The following ABCA12 variants were observed in gnomAD, a reference collection of about 807,000 sequenced individuals.
ABCA12 encodes the protein ATP binding cassette subfamily A member 12.
Under a neutral mutation model 293.5 loss-of-function variants are expected in ABCA12, and 156 were observed. The observed-to-expected ratio is 0.53, with a 90% CI of 0.47 to 0.61. The LOEUF is 0.61. Among genes scored for constraint, ABCA12 ranks in the 20% least tolerant of loss-of-function variants. The probability of loss-of-function intolerance (pLI) is 0.00; values close to 1 mark genes in which losing one functional copy is unlikely to be tolerated. For missense variants in ABCA12, 2,797 were observed against 3,090.2 expected, an observed-to-expected ratio of 0.91 and a Z score of 2.25; for synonymous variants, 1,063 against 1,108.0, an observed-to-expected ratio of 0.96 and a Z score of 0.81.
intron 1 of ABCA12, among the ~76,000 whole-genome samples, chr2:215,137,185 T>C (rs1342537699): frequency 1.3e-5 from 2 of 152,120 alleles, no homozygotes; most frequent in Non-Finnish European, 2.9e-5. Flanking sequence ...TACTTCCTCC[T>C]CTTACTACAC....
intron 52 of ABCA12, among the ~76,000 whole-genome samples, 160 bp from the exon 53 acceptor site, chr2:214,932,901 C>G (rs1698105437): frequency 6.6e-6 from 1 of 152,120 alleles, no homozygotes; most frequent in African/African-American, 2.4e-5. Context: ...TTTATACATG[C>G]TTGCACTAGG....
chr2:215,115,976 G>C (rs1702677850), intron 1 of ABCA12, among the ~76,000 whole-genome samples: 1 of 152,138 alleles, frequency 6.6e-6, no homozygotes, highest in African/African-American at 2.4e-5. Context: ...CATAAGAGCA[G>C]GTTGATGATA....
rs374613210 is a variant in ABCA12 at position 215,125,389 on chromosome 2, A to G, written c.69+12751T>C. 6.6e-5 allele frequency among the ~76,000 whole-genome samples: 10 copies of G among 152,320 alleles called. No homozygotes were observed. In the East Asian group the frequency reaches 7.7e-4, roughly 12 times the overall value. ...ATTGAATTTGTAGATTGCTTTTGGC[A>G]GTATGGTCATTTTCATAATATTTAT... is the stretch of plus-strand genomic sequence containing the variant. On this transcript the variant is annotated intron_variant, in intron 1 of 52. Coordinates refer to ENST00000272895, the MANE Select transcript of ABCA12 (RefSeq NM_173076.3).
chr2:215,102,456 G>A (rs527854605), intron 2 of ABCA12, among the ~76,000 whole-genome samples: 1 of 152,048 alleles, frequency 6.6e-6, no homozygotes, highest in Admixed American at 6.6e-5. Flanking sequence ...AAAATTAGCT[G>A]GGCATGATGG....
intron 36 of ABCA12, among the ~76,000 whole-genome samples, chr2:214,971,335 C>T (rs1255482757): frequency 6.6e-6 from 1 of 152,132 alleles, no homozygotes; most frequent in African/African-American, 2.4e-5. Context: ...AGAGAATACT[C>T]TTATGTATTC....
Position 214,955,209 on chromosome 2 carries a change from T to G in ABCA12, c.6386A>C (p.Asn2129Thr). 6.2e-7 allele frequency: 1 copy of G among 1,614,078 alleles called. No individual in the cohort carries two copies. The highest frequency in any genetic ancestry group is 1.1e-5 in the South Asian group (1 of 91,088). The change falls in exon 43 of 53, where the codon AAT (asparagine) becomes ACT (threonine). Residue 2129 changes from asparagine to threonine, a missense_variant. Coordinates refer to ENST00000272895, the MANE Select transcript of ABCA12 (RefSeq NM_173076.3). The stretch of plus-strand genomic sequence containing the variant: ...TGAAATAAGGGACCTTACCGGATCA[T>G]TAGGCTTTTCCTTGGAAAGAAAGTA... ...VVYFLSKEKP[N>T]DPTLELISET...
intron 2 of ABCA12, among the ~76,000 whole-genome samples, chr2:215,069,487 C>G (rs1701696202): frequency 6.6e-6 from 1 of 151,538 alleles, no homozygotes; most frequent in Non-Finnish European, 1.5e-5. Flanking sequence ...TTTTTTAAAT[C>G]TTCTTGTAGT....
intron 23 of ABCA12, among the ~76,000 whole-genome samples, chr2:214,992,051 TA>T (rs1359178053): frequency 6.6e-6 from 1 of 152,044 alleles, no homozygotes; most frequent in East Asian, 1.9e-4. Context: ...CAAATAAAAA[TA>T]AAAAGATTTA....
intron 1 of ABCA12, among the ~76,000 whole-genome samples, chr2:215,129,083 C>T (rs1185412932): frequency 6.6e-6 from 1 of 152,138 alleles, no homozygotes. Flanking sequence ...GTCTAGCAAC[C>T]CAGCTATTCT....
rs780654517 is a variant in ABCA12 at position 214,958,466 on chromosome 2, A to G, written c.5940-12T>C. The G allele has an allele frequency of 6.2e-7, 1 of 1,613,604 alleles. No individual in the cohort carries two copies. Among genetic ancestry groups the G allele is most frequent in the East Asian group, 2.2e-5 (1 of 44,834 alleles). On this transcript the variant is annotated splice_polypyrimidine_tract_variant and intron_variant, in intron 40 of 52. Transcript: ENST00000272895. ...TTAAACTGCTGATTCTAGAGTGAGC[A>G]ATAGGGAGAGGAAAACACACATAAG...
chr2:215,019,632 T>G lies in ABCA12; in HGVS notation c.1452A>C (p.Ala484=), dbSNP rs746864909. Residue 484 remains alanine (A), a synonymous_variant, in exon 12 of 53, where the codon GCA becomes GCC. Coordinates refer to ENST00000272895, the MANE Select transcript of ABCA12 (RefSeq NM_173076.3). ...LEAAELGTEI[A]ASLLYHDNVI... ...CATTGTCATGGTACAGTAAGCTGGCTGCTATTTCGGTGCCCAGCTCTGCCG... is the reference window on the plus strand; with the variant it reads ...CATTGTCATGGTACAGTAAGCTGGCGGCTATTTCGGTGCCCAGCTCTGCCG... 6.2e-7 allele frequency: 1 copy of G among 1,614,192 alleles called. No individual in the cohort carries two copies. The highest frequency in any genetic ancestry group is 1.7e-5 in the Admixed American group (1 of 60,024).
At position 214,983,607 on chromosome 2, in the gene ABCA12, G is replaced by A. The variant is rs182693330; in HGVS notation, c.4382+40C>T. 94 of 1,565,974 alleles carry A rather than the reference G, an allele frequency of 6.0e-5. No homozygotes were observed. In the East Asian group the frequency reaches 2.0e-3, roughly 34 times the overall value. On this transcript the variant is annotated intron_variant, in intron 29 of 52. Transcript: ENST00000272895. ...CCAACCAAGCTATGGGTCTTTGAGA[G>A]GAGTTAGCAACTTAGGTTCTCATTC...
At chr2:215,136,380 G>A (rs1703226427) in intron 1 of ABCA12, among the ~76,000 whole-genome samples, 1 of 151,274 alleles carries the variant, frequency 6.6e-6, no homozygotes, top group African/African-American at 2.4e-5. Context: ...TTCAAAATGA[G>A]GAAAAAAATT....
At chr2:215,027,864 A>G (rs1376889786) in intron 9 of ABCA12, among the ~76,000 whole-genome samples, 1 of 152,148 alleles carries the variant, frequency 6.6e-6, no homozygotes. Context: ...TAATCAACCA[A>G]TTTAGTGTTT....
chr2:214,978,910 C>G lies in ABCA12; in HGVS notation c.4871G>C (p.Ser1624Thr), dbSNP rs566356723. 1 of 1,614,024 alleles carries G rather than the reference C, an allele frequency of 6.2e-7. No homozygotes were observed. The highest frequency in any genetic ancestry group is 1.3e-5 in the African/African-American group (1 of 75,012). ...CAGGTAGGCCCCTGAGACTTTGGTGCTGAATGGAGGAAGTACATAAACAAG... is the reference window on the plus strand; with the variant it reads ...CAGGTAGGCCCCTGAGACTTTGGTGGTGAATGGAGGAAGTACATAAACAAG... The part of the protein sequence containing the change: ...GELVYVLPPF[S>T]TKVSGAYLSL... Residue 1624 changes from serine to threonine, a missense_variant, in exon 32 of 53, where the codon AGC becomes ACC. Transcript: ENST00000272895.
At chr2:215,022,181 G>C (rs1486760989) in intron 11 of ABCA12, 1 of 152,172 alleles carries the variant, frequency 6.6e-6, no homozygotes, top group African/African-American at 2.4e-5. Context: ...ACATTTGAAT[G>C]ACTTTTACCC....
chr2:215,125,268 C>G (rs1244147562), intron 1 of ABCA12, among the ~76,000 whole-genome samples: 1 of 151,908 alleles, frequency 6.6e-6, no homozygotes, highest in East Asian at 1.9e-4. Flanking sequence ...TTTGTTTAGT[C>G]TTGCTTTGGC....
At chr2:214,972,539 C>G (rs1307448224) in intron 36 of ABCA12, among the ~76,000 whole-genome samples, 1 of 152,028 alleles carries the variant, frequency 6.6e-6, no homozygotes, top group Non-Finnish European at 1.5e-5. Context: ...CACCAAGTAG[C>G]TGGGACTACA....
chr2:214,952,307 G>A (rs772547241), intron 44 of ABCA12, among the ~76,000 whole-genome samples: 6 of 149,552 alleles, frequency 4.0e-5, no homozygotes, highest in South Asian at 2.1e-4. Flanking sequence ...TGCAACCTCC[G>A]CCTCCTGGGT....
Sources: allele counts gnomAD v4.1 joint callset (sites outside exome capture counted in the v4.1 genomes callset), GRCh38; gene constraint gnomAD v4.1.1; transcripts MANE v1.5; gene names NCBI Gene and HGNC (gene_info 2026-07-23, HGNC 2026-07-21).